MAP4K5: variants seen among roughly 807,000 people sequenced by gnomAD.
The protein encoded by MAP4K5 is mitogen-activated protein kinase kinase kinase kinase 5, also known as MAPK/ERK kinase kinase kinase 5.
Under a neutral mutation model 135.6 loss-of-function variants are expected in MAP4K5, and 82 were observed. That is an observed-to-expected ratio of 0.60 (90% CI 0.51 to 0.73). The LOEUF is 0.73. Ranked by LOEUF, MAP4K5 falls within the 30% of genes least tolerant of loss-of-function variation. The pLI, the probability that MAP4K5 is intolerant of heterozygous loss-of-function variation, is 0.00. For synonymous variants in MAP4K5, 347 were observed against 335.0 expected, an observed-to-expected ratio of 1.04 and a Z score of -0.39; for missense variants, 907 against 1,010.9, an observed-to-expected ratio of 0.90 and a Z score of 1.39.
At chr14:50,452,346 T>G (rs1461325962) in intron 14 of MAP4K5, among the ~76,000 whole-genome samples, 3 of 152,192 alleles carry the variant, frequency 2.0e-5, no homozygotes, top group Non-Finnish European at 4.4e-5. Flanking sequence ...TCAGAAATCC[T>G]GAGACTTCCT....
At chr14:50,429,143 T>G (rs767726164) in intron 29 of MAP4K5, 49 bp downstream of exon 29, 1 of 989,236 alleles carries the variant, frequency 1.0e-6, no homozygotes, top group African/African-American at 1.7e-5. Context: ...AATAAAAAAA[T>G]TGCTTTATCA....
chr14:50,468,724 T>A lies in MAP4K5; in HGVS notation c.601A>T (p.Ile201Phe). Residue 201 changes from isoleucine to phenylalanine, a missense_variant, in exon 10 of 33, where the codon ATC becomes TTC. Physicochemically the swap from Ile to Phe is conservative, Grantham distance 21. Around this residue, in one of 3 missense-constraint regions of MAP4K5, gnomAD observed 690 missense variants for 777.4 expected, o/e 0.89. Coordinates refer to ENST00000682126, the MANE Select transcript of MAP4K5 (RefSeq NM_006575.6). Reference protein sequence around the residue: ...KNGGYNQLCDIWAVGITAIEL... With the variant: ...KNGGYNQLCDFWAVGITAIEL... ...ATTGCTGTTATTCCTACTGCCCAGA[T>A]ATCACAGAGTTGGTTGTAGCCACCA... 1 of 1,612,950 alleles carries A rather than the reference T, an allele frequency of 6.2e-7. No individual in the cohort carries two copies.
Position 50,425,601 on chromosome 14 carries a change from GA to G in MAP4K5, c.2397+305del, listed in dbSNP as rs544467777. Among the ~76,000 whole-genome samples the G allele has an allele frequency of 4.7e-3, 713 of 152,138 alleles. 8 individuals are homozygous for G. Among genetic ancestry groups the G allele is most frequent in the African/African-American group, 0.016 (682 of 41,500 alleles). On this transcript the variant is annotated intron_variant, in intron 31 of 32. Coordinates refer to ENST00000682126, the MANE Select transcript of MAP4K5 (RefSeq NM_006575.6). ...AGAAGCCAGATATTTATAGATTATG[GA>G]AAACACTTAATAAATTTAGAAAAGT...
chr14:50,429,295 T>G, intron 28 of MAP4K5, 35 bp from the exon 29 acceptor site: 1 of 1,290,520 alleles, frequency 7.7e-7, no homozygotes, highest in Non-Finnish European at 1.1e-6. Flanking sequence ...CAATTATACT[T>G]TTAAAACCTA....
In MAP4K5 at chr14:50,433,555, T is replaced by C. The variant is rs79519810; in HGVS notation, c.2164+839A>G. 1.2e-3 allele frequency among the ~76,000 whole-genome samples: 186 copies of C among 152,314 alleles called. No individual in the cohort carries two copies. The East Asian group carries it at 0.033, about 27-fold the overall frequency. Reference sequence around the variant, plus strand: ...TCTTATGTTGAAAGTGAATTTAGCGTAGGTTCTATATTATAATGAGTTCTT... The same window carrying C: ...TCTTATGTTGAAAGTGAATTTAGCGCAGGTTCTATATTATAATGAGTTCTT... On this transcript the variant is annotated intron_variant, in intron 28 of 32. Coordinates refer to ENST00000682126, the MANE Select transcript of MAP4K5 (RefSeq NM_006575.6).
Position 50,520,543 on chromosome 14 carries a change from C to G in MAP4K5, c.108+11399G>C, listed in dbSNP as rs549635419. ...GAAGTCACAATCCTTCTCAGGCAGT[C>G]CTAATTATCCTAAATCAGAAAGAAG... On this transcript the variant is annotated intron_variant, in intron 2 of 32. Coordinates refer to ENST00000682126, the MANE Select transcript of MAP4K5 (RefSeq NM_006575.6). 2.0e-5 allele frequency among the ~76,000 whole-genome samples: 3 copies of G among 152,030 alleles called. No individual in the cohort carries two copies. In the East Asian group the frequency reaches 5.8e-4, roughly 29 times the overall value.
intron 17 of MAP4K5, among the ~76,000 whole-genome samples, chr14:50,445,408 T>C (rs955382617): frequency 6.7e-6 from 1 of 149,640 alleles, no homozygotes; most frequent in Non-Finnish European, 1.5e-5. Context: ...TTATAACTAA[T>C]ATAATTATAT....
intron 14 of MAP4K5, among the ~76,000 whole-genome samples, chr14:50,453,577 C>G (rs575505800): frequency 3.9e-5 from 6 of 152,216 alleles, no homozygotes; most frequent in Admixed American, 2.0e-4. Context: ...CTATTCTTGC[C>G]TGGACTAAAT....
At chr14:50,544,393 T>A (rs1373514263) in intron 1 of MAP4K5, among the ~76,000 whole-genome samples, 1 of 152,194 alleles carries the variant, frequency 6.6e-6, no homozygotes, top group African/African-American at 2.4e-5. Context: ...TCCCCCGTCT[T>A]AGGGAATAAA....
At chr14:50,542,713 AG>A (rs2038581468) in intron 1 of MAP4K5, 1 of 152,082 alleles carries the variant, frequency 6.6e-6, no homozygotes, top group South Asian at 2.1e-4. Context: ...GAAAAAGTTT[AG>A]GCTTGGTTTA....
rs574216447 is a variant in MAP4K5 at position 50,500,969 on chromosome 14, T to C, written c.166+3831A>G. 2.6e-5 allele frequency among the ~76,000 whole-genome samples: 4 copies of C among 152,300 alleles called. No homozygotes were observed. The East Asian group carries it at 7.7e-4, about 29-fold the overall frequency. ...ATAATATGACTTAGCCTATTGATAG[T>C]TGATACTAAGTAGGTGAGAATGGAA... On this transcript the variant is annotated intron_variant, in intron 3 of 32. Transcript: ENST00000682126.
At chr14:50,466,677 T>C in intron 10 of MAP4K5, 32 bp from the exon 11 acceptor site, 1 of 898,512 alleles carries the variant, frequency 1.1e-6, no homozygotes, top group South Asian at 1.4e-5. Context: ...AAGAACAATA[T>C]CAAAATTACT....
intron 2 of MAP4K5, among the ~76,000 whole-genome samples, chr14:50,512,967 T>C (rs2037960516): frequency 6.6e-6 from 1 of 152,166 alleles, no homozygotes; most frequent in African/African-American, 2.4e-5. Context: ...GATCTAACTA[T>C]ATTTCTGATT....
intron 2 of MAP4K5, among the ~76,000 whole-genome samples, chr14:50,520,143 T>A (rs2038117812): frequency 6.6e-6 from 1 of 152,008 alleles, no homozygotes; most frequent in Non-Finnish European, 1.5e-5. Context: ...GGCGGGTGGA[T>A]CACGAGGTCA....
chr14:50,495,989 A>G (rs1430819635), intron 3 of MAP4K5, among the ~76,000 whole-genome samples: 1 of 152,210 alleles, frequency 6.6e-6, no homozygotes, highest in Non-Finnish European at 1.5e-5. Context: ...CTATTTCACA[A>G]CAACGCAAAT....
chr14:50,441,743 TACACACACACACACACACAC>T (rs57651486), intron 21 of MAP4K5, among the ~76,000 whole-genome samples: 3,497 of 141,616 alleles, frequency 0.025, 82 homozygotes, highest in African/African-American at 0.056. Context: ...AATTATTTTA[TACACACACACACACACACAC>T]ACACACACAC....
At position 50,425,930 on chromosome 14, in the gene MAP4K5, C is replaced by A; in HGVS notation, c.2374G>T (p.Gly792Cys). ...VLAFWKHGMQ[G>C]KSFKSDEVTQ... ...ACCTCATCTGACTTGAAGCTTTTAC[C>A]CTGCATCCCATGTTTCCAGAAAGCC... The change falls in exon 31 of 33, where the codon GGT becomes TGT. Residue 792 changes from glycine to cysteine, a missense_variant. Gly to Cys is a radical substitution (Grantham distance 159). This residue lies in a region of MAP4K5 where 690 missense variants were observed against 777.4 expected (regional missense o/e 0.89). Coordinates refer to ENST00000682126, the MANE Select transcript of MAP4K5 (RefSeq NM_006575.6). 1 of 1,612,350 alleles carries A rather than the reference C, an allele frequency of 6.2e-7. No homozygotes were observed. The highest frequency in any genetic ancestry group is 8.5e-7 in the Non-Finnish European group (1 of 1,179,002).
intron 2 of MAP4K5, among the ~76,000 whole-genome samples, chr14:50,519,970 C>A (rs2038113546): frequency 6.6e-6 from 1 of 152,204 alleles, no homozygotes; most frequent in South Asian, 2.1e-4. Context: ...ACACCTGATT[C>A]TTTCTGATTT....
intron 3 of MAP4K5, among the ~76,000 whole-genome samples, chr14:50,499,078 C>CT (rs2037652328): frequency 6.6e-6 from 1 of 151,940 alleles, no homozygotes; most frequent in African/African-American, 2.4e-5. Context: ...TCTACTTTGG[C>CT]TTTACTGACA....
Sources: gnomAD v4.1 joint callset for allele counts (sites outside exome capture counted in the v4.1 genomes callset) on GRCh38, gnomAD v4.1.1 for gene constraint, gnomAD v4.1.1 regional missense constraint, MANE v1.5 for transcripts, NCBI Gene and HGNC (gene_info 2026-07-23, HGNC 2026-07-21) for gene names.